Variants in EDA observed in about 807,000 individuals in gnomAD.
EDA encodes ectodysplasin-A.
EDA carries 2 observed loss-of-function variants against 23.6 expected under a neutral mutation model. That is an observed-to-expected ratio of 0.08 (90% CI 0.03 to 0.27). The LOEUF is 0.27. Among genes scored for constraint, EDA ranks in the 10% least tolerant of loss-of-function variants. The probability of loss-of-function intolerance (pLI) is 1.00; values close to 1 mark genes in which losing one functional copy is unlikely to be tolerated. For missense variants in EDA, 229 were observed against 324.2 expected (o/e 0.71, Z 2.26); for synonymous variants, 131 against 132.0 (o/e 0.99, Z 0.05).
At chrX:69,720,125 G>T (rs1436293033) in intron 1 of EDA, among the ~76,000 whole-genome samples, 1 of 111,483 alleles carries the variant, frequency 9.0e-6, no homozygotes. Context: ...GAATTGTACT[G>T]CAGTAAACAT....
chrX:70,016,922 T>G (rs1342277133), intron 2 of EDA, among the ~76,000 whole-genome samples: 1 of 111,052 alleles, frequency 9.0e-6, no homozygotes, highest in East Asian at 2.8e-4. Context: ...GAAATCATAC[T>G]TGGTTTTTTG....
intron 1 of EDA, among the ~76,000 whole-genome samples, chrX:69,845,995 A>G (rs745846853): frequency 3.6e-5 from 4 of 112,296 alleles, no homozygotes; most frequent in Non-Finnish European, 7.5e-5. Flanking sequence ...AAAACTACAT[A>G]GCTAAACTGC....
At chrX:69,845,391 G>T (rs2016986461) in intron 1 of EDA, among the ~76,000 whole-genome samples, 1 of 111,601 alleles carries the variant, frequency 9.0e-6, no homozygotes, top group Non-Finnish European at 1.9e-5. Context: ...TCTTCTCTTT[G>T]ACATACTTTT....
chrX:69,789,454 C>A (rs1428417962), intron 1 of EDA, among the ~76,000 whole-genome samples: 1 of 112,180 alleles, frequency 8.9e-6, no homozygotes, highest in African/African-American at 3.2e-5. Context: ...ATGAAGTCAT[C>A]TCATATTTCT....
At chrX:69,670,269 C>T in intron 1 of EDA, 1 of 358,896 alleles carries the variant, frequency 2.8e-6, no homozygotes, top group Non-Finnish European at 5.0e-6. Context: ...GAGAAATCCA[C>T]TGATATTCTA....
chrX:69,919,925 T>G (rs1343699409), intron 1 of EDA, among the ~76,000 whole-genome samples: 3 of 111,829 alleles, frequency 2.7e-5, no homozygotes, highest in African/African-American at 9.7e-5. Context: ...CTAAGTTATT[T>G]GGCTAATTCC....
chrX:69,731,501 G>T (rs2013024795), intron 1 of EDA, among the ~76,000 whole-genome samples: 1 of 109,213 alleles, frequency 9.2e-6, no homozygotes, highest in Non-Finnish European at 1.9e-5. Context: ...GAGTACAGTA[G>T]CGTGATCTCG....
chrX:69,945,720 A>G (rs182268740), intron 1 of EDA, among the ~76,000 whole-genome samples: 9 of 111,860 alleles, frequency 8.0e-5, no homozygotes, highest in African/African-American at 1.6e-4. Context: ...CAAAATATTC[A>G]TGAGACAACA....
At chrX:69,800,569 A>G (rs1339057025) in intron 1 of EDA, among the ~76,000 whole-genome samples, 1 of 111,357 alleles carries the variant, frequency 9.0e-6, no homozygotes, top group Non-Finnish European at 1.9e-5. Flanking sequence ...GCATGGAACA[A>G]ACTTCAGTGT....
rs186757999 is a variant in EDA, at chrX:69,966,964, G to A, written c.502+9832G>A. On this transcript the variant is annotated intron_variant, in intron 2 of 7. Coordinates refer to ENST00000374552, the MANE Select transcript of EDA (RefSeq NM_001399.5). ...ATAAAATATTTTATAAATATTATAG[G>A]TGTGTGTGTGTATATATATATATAT... is the stretch of plus-strand genomic sequence containing the variant. 8.1e-3 allele frequency among the ~76,000 whole-genome samples: 876 copies of A among 107,508 alleles called. 8 individuals are homozygous for A. The highest frequency in any genetic ancestry group is 0.029 in the African/African-American group (847 of 29,713). 93.4% of individuals were successfully genotyped at this position (107,508 alleles called of 115,157 possible).
chrX:69,957,431 A>C lies in EDA; in HGVS notation c.502+299A>C, dbSNP rs1257149302. 2.9e-5 allele frequency: 7 copies of C among 237,915 alleles called. No homozygotes were observed. The Admixed American group carries it at 3.1e-4, about 10-fold the overall frequency. The allele number at this position is 237,915 out of a possible 1,213,427, so 19.6% of individuals were successfully genotyped here. A position where few individuals can be genotyped will look rare whatever the true frequency, so the allele number is the denominator to read the frequency against. On this transcript the variant is annotated intron_variant, in intron 2 of 7. Transcript: ENST00000374552. ...GAGGTAGAGGTTGCAGTGAGCTGAG[A>C]CTGTGCCACTGCACTCCAGCCTGGG...
At chrX:69,783,715 CT>C (rs753368843) in intron 1 of EDA, among the ~76,000 whole-genome samples, 221 of 111,317 alleles carry the variant, frequency 2.0e-3, no homozygotes, top group Non-Finnish European at 3.6e-3. Flanking sequence ...GGTTCCAAGT[CT>C]TTGTTTGCTA....
At chrX:69,890,285 A>G (rs1410839610) in intron 1 of EDA, among the ~76,000 whole-genome samples, 2 of 111,376 alleles carry the variant, frequency 1.8e-5, no homozygotes, top group East Asian at 5.6e-4. Context: ...CAATATTATG[A>G]AAATGGCCAT....
intron 1 of EDA, among the ~76,000 whole-genome samples, chrX:69,883,632 C>CTAAAATCTAA (rs1209865773): frequency 1.8e-5 from 2 of 111,613 alleles, no homozygotes; most frequent in Middle Eastern, 4.6e-3. Context: ...ATTGGGATTT[C>CTAAAATCTAA]TTTGGTTTTG....
intron 2 of EDA, among the ~76,000 whole-genome samples, chrX:70,007,427 G>A (rs1413636515): frequency 9.0e-6 from 1 of 111,271 alleles, no homozygotes; most frequent in African/African-American, 3.3e-5. Context: ...TGCTGAGTGA[G>A]TTCTAGTGAG....
At chrX:69,724,929 G>A (rs983262851) in intron 1 of EDA, among the ~76,000 whole-genome samples, 2 of 112,073 alleles carry the variant, frequency 1.8e-5, no homozygotes, top group South Asian at 7.4e-4. Context: ...GATGTTCAAC[G>A]TTTCAATTCT....
intron 1 of EDA, among the ~76,000 whole-genome samples, chrX:69,852,552 G>A (rs758963287): frequency 5.4e-5 from 6 of 111,627 alleles, no homozygotes; most frequent in South Asian, 7.6e-4. Flanking sequence ...GCTGATCTCC[G>A]TTGGCCTTTA....
intron 1 of EDA, among the ~76,000 whole-genome samples, chrX:69,878,089 T>C (rs939444778): frequency 8.9e-6 from 1 of 112,569 alleles, no homozygotes; most frequent in African/African-American, 3.2e-5. Flanking sequence ...TTTTTCTTTT[T>C]TTTTGAAAAG....
intron 1 of EDA, among the ~76,000 whole-genome samples, chrX:69,751,830 C>T (rs1387853336): frequency 2.8e-5 from 3 of 108,569 alleles, no homozygotes; most frequent in Non-Finnish European, 5.7e-5. Flanking sequence ...CTCTGTTTGT[C>T]TGTTATAGGA....
Sources: allele counts gnomAD v4.1 joint callset (sites outside exome capture counted in the v4.1 genomes callset), GRCh38; gene constraint gnomAD v4.1.1; transcripts MANE v1.5; gene names NCBI Gene and HGNC (gene_info 2026-07-23, HGNC 2026-07-21).